The following ABR variants were observed in gnomAD, a reference collection of about 807,000 sequenced individuals.
The protein encoded by ABR is active breakpoint cluster region-related protein.
In ABR, 35 loss-of-function variants were observed where a neutral mutation model predicts 107.2. That is an observed-to-expected ratio of 0.33 (90% CI 0.25 to 0.43). The LOEUF (loss-of-function observed/expected upper bound fraction) is 0.43, where lower values mean the gene tolerates loss of function less well. ABR is among the 20% of genes least tolerant of loss of function. The probability of loss-of-function intolerance (pLI) is 1.00; values close to 1 mark genes in which losing one functional copy is unlikely to be tolerated. For synonymous variants in ABR, 498 were observed against 462.0 expected, an observed-to-expected ratio of 1.08 and a Z score of -1.00; for missense variants, 815 against 1,115.2, an observed-to-expected ratio of 0.73 and a Z score of 3.83.
intron 1 of ABR, among the ~76,000 whole-genome samples, chr17:1,158,718 G>A (rs112178105): frequency 0.028 from 4,298 of 151,828 alleles, 102 homozygotes; most frequent in Middle Eastern, 0.088. Context: ...AGCCAAGACC[G>A]TGCCACTGCA....
Position 1,204,531 on chromosome 17 carries a change from G to A in ABR, c.838+24262C>T, listed in dbSNP as rs533176115. Among the ~76,000 whole-genome samples, 102 of 152,318 alleles carry A rather than the reference G, an allele frequency of 6.7e-4. 1 individual carries two copies. The highest frequency in any genetic ancestry group is 1.2e-3 in the Non-Finnish European group (80 of 68,032). On this transcript the variant is annotated intron_variant, in intron 1 of 22. Transcript: ENST00000574139. ...GACCTGAAAGGACTATATATACAAA[G>A]GTGGTCCAGAAGATTATAATCCTGT... is the stretch of plus-strand genomic sequence containing the variant.
rs2073261607 is a variant in ABR, at chr17:1,037,169, G to A, written c.1791+12881C>T. On this transcript the variant is annotated intron_variant, in intron 16 of 22. Coordinates refer to ENST00000302538, the MANE Select transcript of ABR (RefSeq NM_021962.5). The surrounding 1 kb of genome is among the most constrained non-coding windows in gnomAD (Gnocchi z 4.6). ...AGGGGTCCAGGGTGGGCTCAAGGTT[G>A]AAGATGGGCACAGTGTAAGGAAGAA... 6.6e-6 allele frequency among the ~76,000 whole-genome samples: 1 copy of A among 152,180 alleles called. No individual in the cohort carries two copies. Among genetic ancestry groups the A allele is most frequent in the Non-Finnish European group, 1.5e-5 (1 of 68,036 alleles).
At position 1,070,969 on chromosome 17, in the gene ABR, C is replaced by G. The variant is rs1035309679; in HGVS notation, c.895-879G>C. ...CCTGAGGTCAGGAGTTTGAGACCAG[C>G]CTGGCCAACGTGGCGAAACCCCGTC... On this transcript the variant is annotated intron_variant, in intron 8 of 22. Coordinates refer to ENST00000302538, the MANE Select transcript of ABR (RefSeq NM_021962.5). The surrounding 1 kb of genome is among the most constrained non-coding windows in gnomAD (Gnocchi z 4.2). 6.6e-6 allele frequency among the ~76,000 whole-genome samples: 1 copy of G among 152,134 alleles called. No homozygotes were observed. Among genetic ancestry groups the G allele is most frequent in the Non-Finnish European group, 1.5e-5 (1 of 68,026 alleles).
intron 2 of ABR, among the ~76,000 whole-genome samples, chr17:1,122,827 C>T (rs17623512): frequency 0.36 from 54,497 of 152,126 alleles, 10,055 homozygotes; most frequent in South Asian, 0.43. Context: ...AACACAAAGA[C>T]TCAACCTTGG....
In ABR at chr17:1,148,175, CA is replaced by C. The variant is rs1350384239; in HGVS notation, c.62-22809del. ...TCCTAAGAGCATTATTGACACTTGC[CA>C]AAAAACAGAAACACCTCAAGTGTCT... On this transcript the variant is annotated intron_variant, in intron 1 of 22. Coordinates refer to ENST00000302538, the MANE Select transcript of ABR (RefSeq NM_021962.5). The surrounding 1 kb of genome is among the most constrained non-coding windows in gnomAD (Gnocchi z 4.9). 1.3e-5 allele frequency among the ~76,000 whole-genome samples: 2 copies of C among 152,126 alleles called. No individual in the cohort carries two copies. Among genetic ancestry groups the C allele is most frequent in the African/African-American group, 2.4e-5 (1 of 41,428 alleles).
At chr17:1,145,692 G>C (rs1398261781) in intron 1 of ABR, among the ~76,000 whole-genome samples, 1 of 152,250 alleles carries the variant, frequency 6.6e-6, no homozygotes, top group Non-Finnish European at 1.5e-5. Flanking sequence ...GCCAGGTCCA[G>C]AGAGGCCAGC....
chr17:1,073,763 C>A (rs977636353), intron 6 of ABR, 86 bp from the exon 7 acceptor site: 3 of 1,256,862 alleles, frequency 2.4e-6, no homozygotes, highest in Non-Finnish European at 3.3e-6. Context: ...TCCCCCCACC[C>A]GCATGCTTCC....
chr17:1,024,049 A>AAAAAAG (rs2071963289), intron 16 of ABR, among the ~76,000 whole-genome samples: 1 of 140,598 alleles, frequency 7.1e-6, no homozygotes, highest in Non-Finnish European at 1.5e-5. Context: ...AAAAAAAAAA[A>AAAAAAG]GCAGCATCAA....
intron 14 of ABR, among the ~76,000 whole-genome samples, chr17:1,053,906 G>A (rs751712342): frequency 2.0e-5 from 3 of 152,172 alleles, no homozygotes; most frequent in Admixed American, 6.5e-5. Context: ...GCTCCTCAGC[G>A]GCAGCCCCCA....
In ABR at chr17:1,042,099, G is replaced by A. The variant is rs116774916; in HGVS notation, c.1791+7951C>T. On this transcript the variant is annotated intron_variant, in intron 16 of 22. Coordinates refer to ENST00000302538, the MANE Select transcript of ABR (RefSeq NM_021962.5). The stretch of plus-strand genomic sequence containing the variant: ...GAGGCTGTGCTGTCTCCATCCTCAG[G>A]GACAAGGTTCTTTTTCTCAACGAAA... 2.1e-3 allele frequency among the ~76,000 whole-genome samples: 320 copies of A among 152,328 alleles called. 1 individual carries two copies. Among genetic ancestry groups the A allele is most frequent in the African/African-American group, 7.3e-3 (304 of 41,572 alleles).
At position 1,050,388 on chromosome 17, in the gene ABR, C is replaced by T. The variant is rs900023992; in HGVS notation, c.1659+149G>A. The T allele has an allele frequency of 2.0e-5, 19 of 945,718 alleles. No homozygotes were observed. Among genetic ancestry groups the T allele is most frequent in the Non-Finnish European group, 2.9e-5 (18 of 616,276 alleles). 58.6% of individuals were successfully genotyped at this position (945,718 alleles called of 1,614,324 possible). A position where few individuals can be genotyped will look rare whatever the true frequency, so the allele number is the denominator to read the frequency against. ...CACCACAGGGTCTGACACCCAGACA[C>T]ACACCGCGATCAGAAGCCAGAGGAG... is the stretch of plus-strand genomic sequence containing the variant. On this transcript the variant is annotated intron_variant, in intron 15 of 22. Coordinates refer to ENST00000302538, the MANE Select transcript of ABR (RefSeq NM_021962.5). This position sits in a 1 kb window ranked among gnomAD's most constrained non-coding sequence, Gnocchi z 4.6.
chr17:1,099,606 T>C (rs12450029), intron 3 of ABR, among the ~76,000 whole-genome samples: 28,531 of 152,222 alleles, frequency 0.19, 2,963 homozygotes, highest in Middle Eastern at 0.27. Flanking sequence ...AAAAGAAAGA[T>C]TGACACGCCA....
chr17:1,082,512 G>A lies in ABR; in HGVS notation c.639+1008C>T, dbSNP rs550567773. On this transcript the variant is annotated intron_variant, in intron 5 of 22. Transcript: ENST00000302538. ...CTGGGCCTCAGGAGCAGAAGCACGC[G>A]TGTTCCTGGCCAGGAAGGCTGGGCC... Among the ~76,000 whole-genome samples the A allele has an allele frequency of 3.9e-5, 6 of 151,918 alleles. No individual in the cohort carries two copies. In the South Asian group the frequency reaches 1.2e-3, roughly 31 times the overall value.
rs542964752 is a variant in ABR at position 1,007,312 on chromosome 17, C to T, written c.2343G>A (p.Arg781=). ...TFLFLLEHLK[R]VAEKEPINKM... is the part of the protein sequence containing the mutation. ...TGTTGATGGGCTCCTTCTCGGCAAC[C>T]CTAAGAAGGAGAAGATGGGGAGGAA... The change falls in exon 22 of 23, where the codon AGG becomes AGA. Residue 781 remains arginine, a splice_region_variant and synonymous_variant. Transcript: ENST00000302538. The T allele has an allele frequency of 6.2e-7, 1 of 1,613,970 alleles. No homozygotes were observed. The highest frequency in any genetic ancestry group is 2.2e-5 in the East Asian group (1 of 44,876).
intron 1 of ABR, among the ~76,000 whole-genome samples, chr17:1,170,412 A>T (rs914231462): frequency 4.6e-5 from 7 of 152,074 alleles, no homozygotes; most frequent in African/African-American, 1.4e-4. Context: ...TGCGACCTTG[A>T]ATTAATTAAT....
intron 2 of ABR, among the ~76,000 whole-genome samples, chr17:1,124,881 AG>A (rs1331877504): frequency 2.0e-5 from 3 of 152,098 alleles, no homozygotes; most frequent in African/African-American, 7.2e-5. Context: ...GGTCCTCTGG[AG>A]GAGACAGGCT....
intron 2 of ABR, among the ~76,000 whole-genome samples, chr17:1,124,536 C>A (rs1383432104): frequency 6.6e-6 from 1 of 152,262 alleles, no homozygotes; most frequent in African/African-American, 2.4e-5. Flanking sequence ...CAGTCCCTGT[C>A]GCCAGGAACA....
chr17:1,048,134 A>G (rs2031912266), intron 16 of ABR, among the ~76,000 whole-genome samples: 1 of 152,154 alleles, frequency 6.6e-6, no homozygotes, highest in African/African-American at 2.4e-5. Context: ...CCCCACAGAG[A>G]GCAGGTCCCA....
intron 1 of ABR, among the ~76,000 whole-genome samples, chr17:1,149,749 T>C (rs1482585622): frequency 6.6e-6 from 1 of 152,060 alleles, no homozygotes; most frequent in Non-Finnish European, 1.5e-5. Context: ...GCCAACTCCC[T>C]GGCACAAGAC....
Sources: allele counts gnomAD v4.1 joint callset (sites outside exome capture counted in the v4.1 genomes callset), GRCh38; gene constraint gnomAD v4.1.1; non-coding constraint Gnocchi (gnomAD v3.1); transcripts MANE v1.5; gene names NCBI Gene and HGNC (gene_info 2026-07-23, HGNC 2026-07-21).